The following TTYH1 variants were observed in gnomAD, a reference collection of about 807,000 sequenced individuals.
TTYH1 encodes protein tweety homolog 1.
Under a neutral mutation model 61.2 loss-of-function variants are expected in TTYH1, and 33 were observed. That is an observed-to-expected ratio of 0.54 (90% confidence interval 0.41 to 0.72). The LOEUF (loss-of-function observed/expected upper bound fraction) is 0.72, where lower values mean the gene tolerates loss of function less well. Ranked by LOEUF, TTYH1 falls within the 30% of genes least tolerant of loss-of-function variation. The pLI is 0.00. For synonymous variants in TTYH1, 308 were observed against 266.4 expected, an observed-to-expected ratio of 1.16 and a Z score of -1.52; for missense variants, 538 against 575.8, an observed-to-expected ratio of 0.93 and a Z score of 0.67.
At position 54,435,809 on chromosome 19, in the gene TTYH1, G is replaced by GC; in HGVS notation, c.1269-15dup. The GC allele has an allele frequency of 6.2e-7, 1 of 1,613,882 alleles. No individual in the cohort carries two copies. On this transcript the variant is annotated intron_variant, in intron 11 of 13. Coordinates refer to ENST00000376530, the MANE Select transcript of TTYH1 (RefSeq NM_020659.4). The stretch of plus-strand genomic sequence containing the variant: ...GGTCCCCATCCCGCCTCTCTGCCAT[G>GC]CCCCGCATCAAACCCCAGTGACGAC...
At chr19:54,430,657 C>A in intron 8 of TTYH1, 52 bp downstream of exon 8, 2 of 1,490,734 alleles carry the variant, frequency 1.3e-6, no homozygotes, top group Non-Finnish European at 1.9e-6. Context: ...GAAATCTGGA[C>A]TCTGAAGGGA....
intron 8 of TTYH1, 102 bp downstream of exon 8, chr19:54,430,707 C>T: frequency 6.3e-7 from 1 of 1,578,848 alleles, no homozygotes. Context: ...TCCTGGGTTC[C>T]GGGGAGGATG....
intron 4 of TTYH1, among the ~76,000 whole-genome samples, chr19:54,424,046 A>G (rs1446011014): frequency 6.6e-6 from 1 of 152,134 alleles, no homozygotes; most frequent in Non-Finnish European, 1.5e-5. Flanking sequence ...CTGTAGTCCC[A>G]GCTACTTGGG....
In TTYH1 at chr19:54,421,174, G is replaced by A. The variant is rs1400653105; in HGVS notation, c.306-103G>A. 2.5e-5 allele frequency: 18 copies of A among 728,954 alleles called. No individual in the cohort carries two copies. Among genetic ancestry groups the A allele is most frequent in the African/African-American group, 3.4e-5 (2 of 58,170 alleles). 45.2% of individuals were successfully genotyped at this position (728,954 alleles called of 1,614,324 possible). A position where few individuals can be genotyped will look rare whatever the true frequency, so the allele number is the denominator to read the frequency against. ...CCAATGAGGTGGGGCTGAGATGGGA[G>A]GGGTGGATAAGAAGGCGAGGTGGAG... is the stretch of plus-strand genomic sequence containing the variant. On this transcript the variant is annotated intron_variant, in intron 2 of 13. Transcript: ENST00000376530. The surrounding 1 kb of genome is among the most constrained non-coding windows in gnomAD (Gnocchi z 4.8).
rs944836927 is a variant in TTYH1 at position 54,416,408 on chromosome 19, G to A, written c.126+730G>A. 1.1e-5 allele frequency: 3 copies of A among 272,742 alleles called. No homozygotes were observed. Among genetic ancestry groups the A allele is most frequent in the Non-Finnish European group, 2.2e-5 (3 of 136,300 alleles). 16.9% of individuals were successfully genotyped at this position (272,742 alleles called of 1,614,324 possible). A position where few individuals can be genotyped will look rare whatever the true frequency, so the allele number is the denominator to read the frequency against. Reference sequence around the variant, plus strand: ...CCCTGGGGAAGGGGCCCGGCTCGGGGCAGCTCCAATGGGCGAAAGAGCTGT... The same window carrying A: ...CCCTGGGGAAGGGGCCCGGCTCGGGACAGCTCCAATGGGCGAAAGAGCTGT... On this transcript the variant is annotated intron_variant, in intron 1 of 13. Transcript: ENST00000376530. This position sits in a 1 kb window ranked among gnomAD's most constrained non-coding sequence, Gnocchi z 7.0.
intron 4 of TTYH1, among the ~76,000 whole-genome samples, chr19:54,423,994 C>T (rs987769301): frequency 1.3e-5 from 2 of 151,994 alleles, no homozygotes; most frequent in African/African-American, 4.8e-5. Flanking sequence ...AATCCCGTCG[C>T]TACTAAAAAT....
rs2083543358 is a variant in TTYH1, at chr19:54,436,019, G to A, written c.1315-72G>A. On this transcript the variant is annotated intron_variant, in intron 12 of 13. Coordinates refer to ENST00000376530, the MANE Select transcript of TTYH1 (RefSeq NM_020659.4). The surrounding 1 kb of genome is among the most constrained non-coding windows in gnomAD (Gnocchi z 4.3). ...TCCTGGGTCTGAGGGAGGAGGGGCT[G>A]GGGTCCCACAGTACAAAGCCAATTC... 6.3e-7 allele frequency: 1 copy of A among 1,580,502 alleles called. No individual in the cohort carries two copies. Among genetic ancestry groups the A allele is most frequent in the South Asian group, 1.1e-5 (1 of 90,276 alleles).
At position 54,422,403 on chromosome 19, in the gene TTYH1, G is replaced by T. The variant is rs759684896; in HGVS notation, c.631G>T (p.Glu211Ter). 2 of 1,545,494 alleles carry T rather than the reference G, an allele frequency of 1.3e-6. No individual in the cohort carries two copies. The highest frequency in any genetic ancestry group is 1.4e-5 in the African/African-American group (1 of 73,748). ...GGCTGAAAATGTGTCCTTTGTGGAG[G>T]AGTACAGGTGAGACGCTGCTCTTCT... ...QVAENVSFVE[E>*]YRWLAYVLLL... The change falls in exon 4 of 14, where the codon GAG becomes TAG. Residue 211 changes from glutamate (E) to a stop codon, truncating the protein, a stop_gained. Coordinates refer to ENST00000376530, the MANE Select transcript of TTYH1 (RefSeq NM_020659.4). LOFTEE classifies it high-confidence loss of function.
In TTYH1 at chr19:54,422,319, G is replaced by A; in HGVS notation, c.547G>A (p.Ala183Thr). The change falls in exon 4 of 14, where the codon GCC becomes ACC. Residue 183 changes from alanine (A) to threonine (T), a missense_variant. Physicochemically the swap from Ala to Thr is moderately conservative, Grantham distance 58. Transcript: ENST00000376530. Reference sequence around the variant, plus strand: ...GGCTCGACGGCAGGCGGAGGCTGCGGCCCAGCAGCTGCAGGGGCTGGCCTT... The same window carrying A: ...GGCTCGACGGCAGGCGGAGGCTGCGACCCAGCAGCTGCAGGGGCTGGCCTT... Reference protein sequence around the residue: ...RGARRQAEAAAQQLQGLAFWQ... With the variant: ...RGARRQAEAATQQLQGLAFWQ... 1 of 1,565,950 alleles carries A rather than the reference G, an allele frequency of 6.4e-7. No individual in the cohort carries two copies. Among genetic ancestry groups the A allele is most frequent in the Non-Finnish European group, 8.6e-7 (1 of 1,156,590 alleles).
Position 54,419,026 on chromosome 19 carries a change from C to T in TTYH1, c.127-102C>T. 8.3e-7 allele frequency: 1 copy of T among 1,205,948 alleles called. No homozygotes were observed. Among genetic ancestry groups the T allele is most frequent in the Non-Finnish European group, 1.2e-6 (1 of 859,072 alleles). The allele number at this position is 1,205,948 out of a possible 1,614,324, so 74.7% of individuals were successfully genotyped here. On this transcript the variant is annotated intron_variant, in intron 1 of 13. Transcript: ENST00000376530. The surrounding 1 kb of genome is among the most constrained non-coding windows in gnomAD (Gnocchi z 6.1). ...AGGCCAGGGATGTCTCCCACCTTCA[C>T]TCTGACATCCCAGACCCCGACCCCC...
intron 4 of TTYH1, among the ~76,000 whole-genome samples, chr19:54,425,873 G>A (rs948904679): frequency 2.0e-5 from 3 of 151,938 alleles, no homozygotes; most frequent in African/African-American, 4.8e-5. Context: ...GCACCACCAC[G>A]CCCGGCTAAT....
intron 4 of TTYH1, 194 bp from the exon 5 acceptor site, chr19:54,426,479 G>C: frequency 4.9e-6 from 3 of 614,964 alleles, no homozygotes; most frequent in Non-Finnish European, 8.9e-6. Context: ...CCAGTGTCCT[G>C]TCTCATGATA....
chr19:54,430,648 A>G, intron 8 of TTYH1, 43 bp downstream of exon 8: 1 of 1,604,316 alleles, frequency 6.2e-7, no homozygotes, highest in African/African-American at 1.3e-5. Flanking sequence ...AGGGAGCCAG[A>G]AATCTGGACT....
chr19:54,426,168 G>A (rs114749262), intron 4 of TTYH1, among the ~76,000 whole-genome samples: 3,538 of 152,254 alleles, frequency 0.023, 132 homozygotes, highest in African/African-American at 0.081. Context: ...TGCTCCCCAC[G>A]TTACATGTAG....
chr19:54,418,962 C>T (rs1244634232), intron 1 of TTYH1, among the ~76,000 whole-genome samples, 166 bp from the exon 2 acceptor site: 3 of 152,198 alleles, frequency 2.0e-5, no homozygotes, highest in African/African-American at 7.2e-5. Context: ...CCCCAGCTGC[C>T]AGCCTGGGAG....
chr19:54,417,568 CACA>C lies in TTYH1; in HGVS notation c.127-1556_127-1554del, dbSNP rs558216439. Among the ~76,000 whole-genome samples the C allele has an allele frequency of 5.7e-3, 873 of 152,180 alleles. 3 individuals carry two copies. Among genetic ancestry groups the C allele is most frequent in the Non-Finnish European group, 8.8e-3 (601 of 68,004 alleles). On this transcript the variant is annotated intron_variant, in intron 1 of 13. Transcript: ENST00000376530. ...CACACGCACATTGCGCACAGTGACTCACAACACACACATACACATGTATAAGCA... is the reference window on the plus strand; with the variant it reads ...CACACGCACATTGCGCACAGTGACTCACACACACATACACATGTATAAGCA...
intron 1 of TTYH1, among the ~76,000 whole-genome samples, chr19:54,417,829 G>C (rs1057452563): frequency 2.6e-5 from 4 of 151,784 alleles, no homozygotes; most frequent in Admixed American, 2.6e-4. Flanking sequence ...CACACAACCG[G>C]ACCCACTCAC....
Position 54,436,595 on chromosome 19 carries a change from G to A in TTYH1, c.*305G>A. 1 of 594,032 alleles carries A rather than the reference G, an allele frequency of 1.7e-6. No homozygotes were observed. The highest frequency in any genetic ancestry group is 2.9e-5 in the Admixed American group (1 of 34,528). The allele number at this position is 594,032 out of a possible 1,614,324, so 36.8% of individuals were successfully genotyped here. Reference sequence around the variant, plus strand: ...CCTTGGAGGGACTAAGCTGGGGGTGGGGGACATGAGTCCCCCTGCTGCCCC... The same window carrying A: ...CCTTGGAGGGACTAAGCTGGGGGTGAGGGACATGAGTCCCCCTGCTGCCCC... On this transcript the variant is annotated 3_prime_UTR_variant, in exon 14 of 14. Transcript: ENST00000376530. The surrounding 1 kb of genome is among the most constrained non-coding windows in gnomAD (Gnocchi z 4.3).
At chr19:54,418,361 C>T (rs2083133560) in intron 1 of TTYH1, 1 of 152,474 alleles carries the variant, frequency 6.6e-6, no homozygotes, top group Admixed American at 6.5e-5. Flanking sequence ...GCTCTCTCTC[C>T]CTTACTCTGC....
Sources: gnomAD v4.1 joint callset for allele counts (sites outside exome capture counted in the v4.1 genomes callset) on GRCh38, gnomAD v4.1.1 for gene constraint, Gnocchi (gnomAD v3.1) non-coding constraint, MANE v1.5 for transcripts, NCBI Gene and HGNC (gene_info 2026-07-23, HGNC 2026-07-21) for gene names.